The following AOAH variants were observed in gnomAD, a reference collection of about 807,000 sequenced individuals.
AOAH encodes the protein acyloxyacyl hydrolase, also known as acyloxyacyl hydrolase (neutrophil).
A neutral mutation model predicts 92.2 loss-of-function variants in AOAH; 64 were observed. The observed-to-expected ratio is 0.69, with a 90% CI of 0.57 to 0.86. The LOEUF (loss-of-function observed/expected upper bound fraction) is 0.86. Among genes scored for constraint, AOAH ranks in the 40% least tolerant of loss-of-function variants. The pLI is 0.00. For synonymous variants in AOAH, 263 were observed against 254.5 expected, an observed-to-expected ratio of 1.03 and a Z score of -0.32; for missense variants, 656 against 694.6, an observed-to-expected ratio of 0.94 and a Z score of 0.62.
chr7:36,667,311 C>T (rs1411116877), intron 3 of AOAH, among the ~76,000 whole-genome samples: 1 of 152,132 alleles, frequency 6.6e-6, no homozygotes, highest in African/African-American at 2.4e-5. Flanking sequence ...TTCAGCATAC[C>T]CATGCTGTAT....
chr7:36,714,561 C>T (rs7803793), intron 1 of AOAH, among the ~76,000 whole-genome samples: 85,721 of 151,902 alleles, frequency 0.56, 24,454 homozygotes, highest in East Asian at 0.83. Context: ...TGATGAACAT[C>T]GATGCAAAAA....
chr7:36,673,150 T>C (rs1291823532), intron 3 of AOAH, among the ~76,000 whole-genome samples: 1 of 152,108 alleles, frequency 6.6e-6, no homozygotes, highest in African/African-American at 2.4e-5. Flanking sequence ...AATAAGAATA[T>C]AAAAAGTGTA....
chr7:36,598,863 G>C (rs1210308811), intron 11 of AOAH, among the ~76,000 whole-genome samples: 1 of 152,154 alleles, frequency 6.6e-6, no homozygotes, highest in Non-Finnish European at 1.5e-5. Context: ...AGGCATTTGA[G>C]GCAGGAGGAA....
At chr7:36,581,976 A>G (rs768372475) in intron 12 of AOAH, among the ~76,000 whole-genome samples, 23 of 152,198 alleles carry the variant, frequency 1.5e-4, no homozygotes, top group Non-Finnish European at 2.6e-4. Context: ...ATATAGTGGG[A>G]TCAATATAAT....
intron 4 of AOAH, among the ~76,000 whole-genome samples, chr7:36,638,612 G>C (rs1277554842): frequency 3.3e-5 from 5 of 152,152 alleles, no homozygotes; most frequent in East Asian, 1.9e-4. Context: ...TGGGCTGGGT[G>C]GGGAGGAGGA....
At chr7:36,524,201 A>C (rs1784263567) in intron 19 of AOAH, among the ~76,000 whole-genome samples, 1 of 152,106 alleles carries the variant, frequency 6.6e-6, no homozygotes, top group Admixed American at 6.5e-5. Flanking sequence ...AAGAAAGAAA[A>C]GAAAGAATGA....
chr7:36,534,169 C>T (rs1235252529), intron 16 of AOAH, among the ~76,000 whole-genome samples: 1 of 152,110 alleles, frequency 6.6e-6, no homozygotes, highest in Non-Finnish European at 1.5e-5. Context: ...TCATTGTTGG[C>T]TCCTCCTTGG....
At chr7:36,694,458 C>G (rs913114606) in intron 1 of AOAH, among the ~76,000 whole-genome samples, 3 of 152,118 alleles carry the variant, frequency 2.0e-5, no homozygotes, top group Non-Finnish European at 4.4e-5. Context: ...AGATTGCACT[C>G]CAGTCTGGGT....
chr7:36,649,865 C>T (rs757581332), intron 4 of AOAH, among the ~76,000 whole-genome samples: 3 of 152,192 alleles, frequency 2.0e-5, no homozygotes, highest in Admixed American at 1.3e-4. Context: ...CGCCCATTGC[C>T]GCTCTCCATT....
intron 1 of AOAH, among the ~76,000 whole-genome samples, chr7:36,693,679 T>G (rs917955037): frequency 4.6e-5 from 7 of 152,180 alleles, no homozygotes; most frequent in Non-Finnish European, 1.0e-4. Flanking sequence ...AATTAGCTTA[T>G]CTAAGCAACA....
chr7:36,671,851 G>A (rs1374680920), intron 3 of AOAH, among the ~76,000 whole-genome samples: 1 of 152,136 alleles, frequency 6.6e-6, no homozygotes, highest in Non-Finnish European at 1.5e-5. Flanking sequence ...GGAGTGGCAA[G>A]GGGTGAGTCT....
At chr7:36,605,690 G>T (rs1164963099) in intron 11 of AOAH, among the ~76,000 whole-genome samples, 2 of 152,228 alleles carry the variant, frequency 1.3e-5, no homozygotes, top group Non-Finnish European at 2.9e-5. Context: ...CAAGATGATG[G>T]ATGTTCCCAT....
At chr7:36,568,932 G>C (rs144252194) in intron 13 of AOAH, among the ~76,000 whole-genome samples, 110 of 152,318 alleles carry the variant, frequency 7.2e-4, no homozygotes, top group African/African-American at 2.6e-3. Context: ...TTGGGGATGG[G>C]GGGCAGCCTA....
chr7:36,527,175 G>A (rs570190953), intron 19 of AOAH, among the ~76,000 whole-genome samples: 1 of 152,286 alleles, frequency 6.6e-6, no homozygotes, highest in Non-Finnish European at 1.5e-5. Flanking sequence ...CTTTGGAGAT[G>A]AGTAATCATC....
intron 16 of AOAH, 116 bp downstream of exon 16, chr7:36,540,203 G>C (rs142768342): frequency 1.1e-5 from 11 of 1,015,468 alleles, no homozygotes; most frequent in Non-Finnish European, 4.2e-6. Flanking sequence ...TATCAACCCT[G>C]ACCCATGTTC....
chr7:36,624,542 C>T (rs1430251735), intron 6 of AOAH, among the ~76,000 whole-genome samples: 2 of 152,212 alleles, frequency 1.3e-5, no homozygotes, highest in Non-Finnish European at 2.9e-5. Flanking sequence ...CTGTATTCTA[C>T]TCTATACTTT....
intron 5 of AOAH, among the ~76,000 whole-genome samples, chr7:36,636,418 T>C (rs954372421): frequency 6.6e-6 from 1 of 152,232 alleles, no homozygotes; most frequent in African/African-American, 2.4e-5. Context: ...GCTACTGAAG[T>C]AAACAATGCC....
intron 13 of AOAH, among the ~76,000 whole-genome samples, chr7:36,563,091 G>T (rs1787397976): frequency 7.4e-6 from 1 of 136,008 alleles, no homozygotes; most frequent in Admixed American, 8.3e-5. Flanking sequence ...AGGTTGCAGT[G>T]AGCCGAGATC....
intron 11 of AOAH, chr7:36,594,783 C>G: frequency 3.1e-6 from 1 of 317,480 alleles, no homozygotes; most frequent in African/African-American, 2.2e-5. Flanking sequence ...AGTCAATCAT[C>G]TGAAAAGTAA....
Sources: allele counts gnomAD v4.1 joint callset (sites outside exome capture counted in the v4.1 genomes callset), GRCh38; gene constraint gnomAD v4.1.1; transcripts MANE v1.5; gene names NCBI Gene and HGNC (gene_info 2026-07-23, HGNC 2026-07-21).